Variants in ESR1 observed in about 807,000 individuals in gnomAD.
ESR1 encodes estrogen receptor 1.
ESR1 carries 12 observed loss-of-function variants against 52.7 expected under a neutral mutation model. That is an observed-to-expected ratio of 0.23 (90% confidence interval 0.15 to 0.37). The LOEUF is 0.37. Ranked by LOEUF, ESR1 falls within the 10% of genes least tolerant of loss-of-function variation. The pLI is 1.00. For synonymous variants in ESR1, 305 were observed against 316.8 expected, an observed-to-expected ratio of 0.96 and a Z score of 0.39; for missense variants, 584 against 779.7, an observed-to-expected ratio of 0.75 and a Z score of 2.99.
chr6:151,990,921 A>T (rs1181141798), intron 4 of ESR1, among the ~76,000 whole-genome samples: 2 of 152,214 alleles, frequency 1.3e-5, no homozygotes, highest in Non-Finnish European at 2.9e-5. Context: ...ATCTATAAAC[A>T]TGTATAAATT....
At chr6:151,862,869 G>A (rs1789139660) in intron 2 of ESR1, among the ~76,000 whole-genome samples, 1 of 152,098 alleles carries the variant, frequency 6.6e-6, no homozygotes, top group South Asian at 2.1e-4. Flanking sequence ...GTAGCAGAAC[G>A]AGAAAAGAAA....
In ESR1 at chr6:151,920,590, G is replaced by A. The variant is rs547491615; in HGVS notation, c.761-23583G>A. ...ATAGTTGTCATGTCTTCCCAGGCTC[G>A]CCATGGTTGTGACAGTTTCTGAGAC... On this transcript the variant is annotated intron_variant, in intron 3 of 7. Coordinates refer to ENST00000206249, the MANE Select transcript of ESR1 (RefSeq NM_000125.4). Among the ~76,000 whole-genome samples the A allele has an allele frequency of 1.6e-4, 24 of 152,190 alleles. No homozygotes were observed. The East Asian group carries it at 4.3e-3, about 27-fold the overall frequency.
chr6:151,739,364 A>G (rs562816535), intron 2 of ESR1, among the ~76,000 whole-genome samples: 1 of 152,310 alleles, frequency 6.6e-6, no homozygotes, highest in South Asian at 2.1e-4. Flanking sequence ...AGTCAATCAG[A>G]TTTATATCAG....
intron 6 of ESR1, among the ~76,000 whole-genome samples, chr6:152,088,164 A>G (rs1057214606): frequency 1.3e-5 from 2 of 152,186 alleles, no homozygotes; most frequent in Admixed American, 6.5e-5. Context: ...AAATAAAATG[A>G]TATATATTTC....
intron 1 of ESR1, among the ~76,000 whole-genome samples, chr6:151,696,253 T>G (rs1253752505): frequency 6.6e-6 from 1 of 151,978 alleles, no homozygotes; most frequent in East Asian, 1.9e-4. Context: ...AGTGAATCAG[T>G]TGAGGCCAGG....
intron 6 of ESR1, among the ~76,000 whole-genome samples, chr6:152,074,006 A>G (rs918315578): frequency 3.9e-5 from 6 of 152,166 alleles, no homozygotes; most frequent in Admixed American, 3.9e-4. Context: ...AGTGGCAAGT[A>G]CAGAAAGTTC....
intron 2 of ESR1, among the ~76,000 whole-genome samples, chr6:151,712,009 T>A (rs1441924003): frequency 6.6e-6 from 1 of 152,168 alleles, no homozygotes. Context: ...TAATCTTGAG[T>A]TAATTTTTGT....
At chr6:152,007,730 A>G (rs2042440898) in intron 4 of ESR1, among the ~76,000 whole-genome samples, 1 of 152,022 alleles carries the variant, frequency 6.6e-6, no homozygotes, top group Non-Finnish European at 1.5e-5. Context: ...CATGGCCCCC[A>G]TGTCATTGAG....
intron 1 of ESR1, among the ~76,000 whole-genome samples, chr6:151,696,084 T>C (rs1779313037): frequency 6.6e-6 from 1 of 152,222 alleles, no homozygotes; most frequent in Non-Finnish European, 1.5e-5. Context: ...TAAATTCTTT[T>C]TCTAATTTTA....
At chr6:151,710,169 G>A (rs975710395) in intron 2 of ESR1, among the ~76,000 whole-genome samples, 6 of 151,288 alleles carry the variant, frequency 4.0e-5, no homozygotes, top group Admixed American at 6.6e-5. Context: ...GGCCTGAGAC[G>A]TATTGCTTTG....
intron 2 of ESR1, among the ~76,000 whole-genome samples, chr6:151,774,741 A>C (rs1009371825): frequency 1.2e-4 from 18 of 152,342 alleles, no homozygotes; most frequent in African/African-American, 4.3e-4. Flanking sequence ...AAACCTTTCT[A>C]GATCTTTATT....
At chr6:151,969,699 G>A (rs1194236612) in intron 4 of ESR1, among the ~76,000 whole-genome samples, 1 of 152,180 alleles carries the variant, frequency 6.6e-6, no homozygotes, top group Non-Finnish European at 1.5e-5. Context: ...ACAGCAGTGC[G>A]GGCAGCTTCG....
chr6:151,912,564 G>A (rs1361267094), intron 3 of ESR1, among the ~76,000 whole-genome samples: 1 of 152,134 alleles, frequency 6.6e-6, no homozygotes, highest in African/African-American at 2.4e-5. Flanking sequence ...TAATTACCTT[G>A]TACTATGATA....
intron 1 of ESR1, among the ~76,000 whole-genome samples, chr6:151,840,647 C>T (rs577004810): frequency 1.2e-4 from 19 of 152,236 alleles, no homozygotes; most frequent in Middle Eastern, 6.8e-3. Context: ...AGGGGAGCGC[C>T]AGTGAAAGTC....
chr6:151,959,778 A>G (rs1466118608), intron 4 of ESR1, among the ~76,000 whole-genome samples: 1 of 152,180 alleles, frequency 6.6e-6, no homozygotes, highest in Admixed American at 6.5e-5. Flanking sequence ...TTGGAAGACT[A>G]CAAGCCACTG....
intron 4 of ESR1, among the ~76,000 whole-genome samples, chr6:151,971,258 A>C (rs2038881933): frequency 6.6e-6 from 1 of 152,130 alleles, no homozygotes; most frequent in Admixed American, 6.6e-5. Flanking sequence ...TAAGTTCTTT[A>C]GTGGTGATTT....
chr6:151,669,624 G>A (rs1258645268), intron 1 of ESR1, among the ~76,000 whole-genome samples: 2 of 152,158 alleles, frequency 1.3e-5, no homozygotes, highest in Non-Finnish European at 2.9e-5. Flanking sequence ...AAGTTACTAT[G>A]TGGTCTTAGT....
chr6:151,853,185 A>G (rs1455837836), intron 2 of ESR1, among the ~76,000 whole-genome samples: 1 of 147,738 alleles, frequency 6.8e-6, no homozygotes, highest in Non-Finnish European at 1.5e-5. Context: ...AAAAAAAAAA[A>G]AAAAAAAAAA....
In ESR1 at chr6:151,833,730, GC is replaced by G. The variant is rs1249214052; in HGVS notation, c.453-8864del. Among the ~76,000 whole-genome samples the G allele has an allele frequency of 1.1e-4, 16 of 152,346 alleles. No individual in the cohort carries two copies. The East Asian group carries it at 2.9e-3, about 28-fold the overall frequency. ...CAGGGAAGAGCACTGCAAAGGGTTT[GC>G]CCATTGCATCAGTCATTTATTTATG... On this transcript the variant is annotated intron_variant, in intron 1 of 7. Transcript: ENST00000206249.
Sources: allele counts gnomAD v4.1 joint callset (sites outside exome capture counted in the v4.1 genomes callset), GRCh38; gene constraint gnomAD v4.1.1; transcripts MANE v1.5; gene names NCBI Gene and HGNC (gene_info 2026-07-23, HGNC 2026-07-21).